The following ZNF678 variants were observed in gnomAD, a reference collection of about 807,000 sequenced individuals.
ZNF678 encodes zinc finger protein 678.
A neutral mutation model predicts 3.0 loss-of-function variants in ZNF678; 5 were observed. That is an observed-to-expected ratio of 1.69 (90% CI 0.88 to 3.56). The LOEUF is 3.56. Among genes scored for constraint, ZNF678 ranks in the 30% most tolerant of loss-of-function variants. The pLI is 0.00. For synonymous variants in ZNF678, 218 were observed against 199.6 expected (o/e 1.09, Z -0.78); for missense variants, 593 against 605.0 (o/e 0.98, Z 0.21).
intron 1 of ZNF678, among the ~76,000 whole-genome samples, chr1:227,596,721 C>T (rs1657599232): frequency 6.6e-6 from 1 of 152,066 alleles, no homozygotes; most frequent in South Asian, 2.1e-4. Context: ...ATTAATAATT[C>T]ATTTTCATTT....
chr1:227,639,426 G>A (rs541290080), intron 1 of ZNF678, among the ~76,000 whole-genome samples: 236 of 152,368 alleles, frequency 1.5e-3, no homozygotes, highest in Non-Finnish European at 2.5e-3. Context: ...TTTGAGGGCC[G>A]TCATCAAGCT....
chr1:227,662,853 C>A (rs1659439014), downstream of ZNF678, among the ~76,000 whole-genome samples: 1 of 152,174 alleles, frequency 6.6e-6, no homozygotes, highest in Non-Finnish European at 1.5e-5. Context: ...ACCAAGTTAC[C>A]CCTTTCTGCA....
Position 227,563,588 on chromosome 1 carries a change from C to G in ZNF678, c.-300C>G. On this transcript the variant is annotated 5_prime_UTR_variant, in exon 1 of 4. Transcript: ENST00000343776. ...TTGTGCTCCAGCTGGAGCTTTGGTCCCGTATTCTCGGCTATTTATCCCCAG... is the reference window on the plus strand; with the variant it reads ...TTGTGCTCCAGCTGGAGCTTTGGTCGCGTATTCTCGGCTATTTATCCCCAG... 2 of 932,550 alleles carry G rather than the reference C, an allele frequency of 2.1e-6. No homozygotes were observed. Among genetic ancestry groups the G allele is most frequent in the Non-Finnish European group, 3.1e-6 (2 of 648,876 alleles). The allele number at this position is 932,550 out of a possible 1,614,324, so 57.8% of individuals were successfully genotyped here.
At chr1:227,625,590 G>T (rs1393944217) in intron 1 of ZNF678, among the ~76,000 whole-genome samples, 1 of 152,188 alleles carries the variant, frequency 6.6e-6, no homozygotes, top group Admixed American at 6.5e-5. Context: ...GGCCTGAAGT[G>T]CAGGGGGATG....
At chr1:227,663,729 T>TCC (rs1659454980), downstream of ZNF678, among the ~76,000 whole-genome samples, 1 of 152,302 alleles carries the variant, frequency 6.6e-6, no homozygotes, top group Admixed American at 6.5e-5. Flanking sequence ...GCCTAACCAT[T>TCC]TGCCATTTAG....
chr1:227,602,334 A>T (rs995153788), intron 1 of ZNF678, among the ~76,000 whole-genome samples: 1 of 152,194 alleles, frequency 6.6e-6, no homozygotes, highest in Non-Finnish European at 1.5e-5. Flanking sequence ...GACAAGTAAA[A>T]TTTTTGAGAA....
intron 1 of ZNF678, chr1:227,599,010 C>G (rs1207651528): frequency 1.4e-6 from 2 of 1,396,478 alleles, no homozygotes; most frequent in Non-Finnish European, 2.0e-6. Context: ...TTCTCCTCTT[C>G]TAGTTGCTCT....
chr1:227,616,458 A>G (rs1658144858), intron 1 of ZNF678, among the ~76,000 whole-genome samples: 1 of 152,246 alleles, frequency 6.6e-6, no homozygotes, highest in African/African-American at 2.4e-5. Context: ...CCCCAGAAAC[A>G]AATCTGACAT....
At chr1:227,572,069 A>C (rs1234282622) in intron 1 of ZNF678, among the ~76,000 whole-genome samples, 1 of 152,242 alleles carries the variant, frequency 6.6e-6, no homozygotes, top group African/African-American at 2.4e-5. Context: ...CAGTGATTAT[A>C]CTTTCAAGTG....
chr1:227,638,851 A>G lies in ZNF678; in HGVS notation c.-163-7693A>G, dbSNP rs181647532. 3.9e-5 allele frequency among the ~76,000 whole-genome samples: 6 copies of G among 152,218 alleles called. No homozygotes were observed. Among genetic ancestry groups the G allele is most frequent in the East Asian group, 3.9e-4 (2 of 5,172 alleles). ...TGGAGAGTTGTCCATCAATTCCCACAACAGAGACTTGGGAGGACTGGGTGG... is the reference window on the plus strand; with the variant it reads ...TGGAGAGTTGTCCATCAATTCCCACGACAGAGACTTGGGAGGACTGGGTGG... On this transcript the variant is annotated intron_variant, in intron 1 of 3. Coordinates refer to ENST00000343776, the MANE Select transcript of ZNF678 (RefSeq NM_001367909.1). This position sits in a 1 kb window ranked among gnomAD's most constrained non-coding sequence, Gnocchi z 4.2.
rs145328375 is a variant in ZNF678 at position 227,618,073 on chromosome 1, G to A, written c.-163-28471G>A. ...TGTCAGCAGCAGAGAACAACACTTC[G>A]CCCCTAATATAACTCCATTCCACAG... On this transcript the variant is annotated intron_variant, in intron 1 of 3. Coordinates refer to ENST00000343776, the MANE Select transcript of ZNF678 (RefSeq NM_001367909.1). Among the ~76,000 whole-genome samples, 720 of 152,214 alleles carry A rather than the reference G, an allele frequency of 4.7e-3. 3 individuals are homozygous for A. Among genetic ancestry groups the A allele is most frequent in the Middle Eastern group, 6.8e-3 (2 of 294 alleles).
intron 1 of ZNF678, among the ~76,000 whole-genome samples, chr1:227,578,328 C>T (rs2088213): frequency 0.029 from 4,429 of 152,268 alleles, 200 homozygotes; most frequent in African/African-American, 0.098. Context: ...TCCTGAAATA[C>T]GTTTTCCAAC....
chr1:227,656,890 C>T lies in ZNF678; in HGVS notation c.*1062C>T, dbSNP rs1659262399. 1 of 151,870 alleles carries T rather than the reference C, an allele frequency of 6.6e-6. No individual in the cohort carries two copies. Among genetic ancestry groups the T allele is most frequent in the South Asian group, 2.1e-4 (1 of 4,830 alleles). The allele number at this position is 151,870 out of a possible 1,614,324, so 9.4% of individuals were successfully genotyped here. A position where few individuals can be genotyped will look rare whatever the true frequency, so the allele number is the denominator to read the frequency against. On this transcript the variant is annotated 3_prime_UTR_variant, in exon 4 of 4. Transcript: ENST00000343776. ...TCTTGCCACAATAATTAACCTATAC[C>T]ACCTTACCCAAAGTTGTAGGTAACA...
Position 227,651,084 on chromosome 1 carries a change from T to G in ZNF678, c.85+8T>G. Reference sequence around the variant, plus strand: ...ATAAACTGGTTTATACAGGTAAAGATTTTATCCTATTGGGTCTCCAGGCTG... The same window carrying G: ...ATAAACTGGTTTATACAGGTAAAGAGTTTATCCTATTGGGTCTCCAGGCTG... On this transcript the variant is annotated splice_region_variant and intron_variant, in intron 3 of 3. Transcript: ENST00000343776. The G allele has an allele frequency of 1.9e-6, 3 of 1,612,774 alleles. No homozygotes were observed. The highest frequency in any genetic ancestry group is 2.5e-6 in the Non-Finnish European group (3 of 1,179,332).
At chr1:227,595,422 A>G (rs907670354) in intron 1 of ZNF678, among the ~76,000 whole-genome samples, 1 of 152,162 alleles carries the variant, frequency 6.6e-6, no homozygotes, top group African/African-American at 2.4e-5. Context: ...CCTTTGAAAC[A>G]AGGGACCTAT....
chr1:227,599,152 C>G, intron 1 of ZNF678: 2 of 1,287,980 alleles, frequency 1.6e-6, no homozygotes, highest in South Asian at 1.2e-5. Flanking sequence ...ACATATTCCT[C>G]CAGTTCTAGA....
At chr1:227,669,870 A>G (rs988684747) in intron 5 of ZNF678, among the ~76,000 whole-genome samples, 1 of 152,214 alleles carries the variant, frequency 6.6e-6, no homozygotes, top group Non-Finnish European at 1.5e-5. Flanking sequence ...AAATGAAAAT[A>G]AATTATTATA....
chr1:227,660,055 TA>T lies in ZNF678; in HGVS notation c.*4228del, dbSNP rs1025779545. ...TAACCTTCTTTCTAGTCTCTACTTT[TA>T]TGAGATCAACTTGTTTAGATTCCAC... On this transcript the variant is annotated 3_prime_UTR_variant, in exon 4 of 4. Transcript: ENST00000343776. 1.1e-4 allele frequency: 17 copies of T among 152,158 alleles called. No homozygotes were observed. The highest frequency in any genetic ancestry group is 2.2e-4 in the Non-Finnish European group (15 of 68,018). The allele number at this position is 152,158 out of a possible 1,614,324, so 9.4% of individuals were successfully genotyped here. A position where few individuals can be genotyped will look rare whatever the true frequency, so the allele number is the denominator to read the frequency against.
intron 3 of ZNF678, among the ~76,000 whole-genome samples, chr1:227,653,181 C>T (rs1558156565): frequency 6.6e-6 from 1 of 151,994 alleles, no homozygotes; most frequent in East Asian, 1.9e-4. Context: ...TCTGTTGCTG[C>T]TTTCAACATC....
Sources: gnomAD v4.1 joint callset for allele counts (sites outside exome capture counted in the v4.1 genomes callset) on GRCh38, gnomAD v4.1.1 for gene constraint, Gnocchi (gnomAD v3.1) non-coding constraint, MANE v1.5 for transcripts, NCBI Gene and HGNC (gene_info 2026-07-23, HGNC 2026-07-21) for gene names.